The following MACROD2 variants were observed in gnomAD, a reference collection of about 807,000 sequenced individuals.
The protein encoded by MACROD2 is mono-ADP ribosylhydrolase 2, also known as ADP-ribose glycohydrolase MACROD2.
Under a neutral mutation model 70.4 loss-of-function variants are expected in MACROD2, and 36 were observed. That is an observed-to-expected ratio of 0.51 (90% CI 0.39 to 0.68). The LOEUF is 0.68. Ranked by LOEUF, MACROD2 falls within the 30% of genes least tolerant of loss-of-function variation. The pLI, the probability that MACROD2 is intolerant of heterozygous loss-of-function variation, is 0.00. For missense variants in MACROD2, 496 were observed against 538.4 expected (o/e 0.92, Z 0.78); for synonymous variants, 172 against 178.8 (o/e 0.96, Z 0.30).
rs5840650 is a variant in MACROD2 at position 15,084,059 on chromosome 20, G to GTT, written c.419-145870_419-145869dup. Among the ~76,000 whole-genome samples the GTT allele has an allele frequency of 1.7e-3, 190 of 110,562 alleles. 2 individuals carry two copies. The highest frequency in any genetic ancestry group is 5.2e-3 in the Admixed American group (59 of 11,456). 72.5% of individuals were successfully genotyped at this position (110,562 alleles called of 152,430 possible). A position where few individuals can be genotyped will look rare whatever the true frequency, so the allele number is the denominator to read the frequency against. On this transcript the variant is annotated intron_variant, in intron 5 of 17. Coordinates refer to ENST00000684519, the MANE Select transcript of MACROD2 (RefSeq NM_001351661.2). Reference sequence around the variant, plus strand: ...TAGAAACCTTAAGAAGCAACACTAGGTTTTTTTTTTTTGTTTTTTTTTTTT... The same window carrying GTT: ...TAGAAACCTTAAGAAGCAACACTAGGTTTTTTTTTTTTTTGTTTTTTTTTTTT...
At chr20:14,573,580 T>TA (rs1490173653) in intron 4 of MACROD2, among the ~76,000 whole-genome samples, 7 of 151,604 alleles carry the variant, frequency 4.6e-5, no homozygotes, top group Non-Finnish European at 5.9e-5. Context: ...AAGATATTAT[T>TA]TTTTTTTTCA....
At chr20:15,220,795 G>C (rs1406527521) in intron 5 of MACROD2, among the ~76,000 whole-genome samples, 1 of 152,184 alleles carries the variant, frequency 6.6e-6, no homozygotes, top group African/African-American at 2.4e-5. Flanking sequence ...CCAGAAATGG[G>C]GAAAGTCCTG....
At chr20:15,101,534 C>CAAAAAAA (rs6147300) in intron 5 of MACROD2, among the ~76,000 whole-genome samples, 940 of 88,900 alleles carry the variant, frequency 0.011, 53 homozygotes, top group Middle Eastern at 0.017. Flanking sequence ...GGTGTTGGTT[C>CAAAAAAA]AAAAAAAAAA....
intron 5 of MACROD2, among the ~76,000 whole-genome samples, chr20:15,069,150 T>G (rs2075600112): frequency 6.6e-6 from 1 of 152,138 alleles, no homozygotes; most frequent in South Asian, 2.1e-4. Flanking sequence ...AAGGTGAAAC[T>G]TAAGAGTGAT....
At chr20:14,872,180 T>C (rs1314482957) in intron 5 of MACROD2, among the ~76,000 whole-genome samples, 1 of 152,102 alleles carries the variant, frequency 6.6e-6, no homozygotes, top group Non-Finnish European at 1.5e-5. Context: ...GATAGACATC[T>C]ACAGAACTCT....
At chr20:15,830,826 A>G (rs1262770832) in intron 8 of MACROD2, among the ~76,000 whole-genome samples, 1 of 152,254 alleles carries the variant, frequency 6.6e-6, no homozygotes, top group Non-Finnish European at 1.5e-5. Context: ...AAAAAACACC[A>G]TACAAATTTA....
intron 5 of MACROD2, among the ~76,000 whole-genome samples, chr20:15,112,722 A>G (rs1019030484): frequency 3.9e-5 from 6 of 152,168 alleles, no homozygotes; most frequent in African/African-American, 1.4e-4. Context: ...TAGTGCGGCC[A>G]CCACCATCTG....
intron 5 of MACROD2, among the ~76,000 whole-genome samples, chr20:14,841,579 A>G (rs890974855): frequency 2.6e-5 from 4 of 152,082 alleles, no homozygotes; most frequent in African/African-American, 9.7e-5. Flanking sequence ...ATGTATTTGA[A>G]TGACACTACA....
chr20:15,807,472 T>C (rs2063779565), intron 8 of MACROD2, among the ~76,000 whole-genome samples: 1 of 152,128 alleles, frequency 6.6e-6, no homozygotes, highest in South Asian at 2.1e-4. Flanking sequence ...AAGATTCGAG[T>C]TGAAGATATA....
At chr20:13,998,912 G>A (rs1165201244) in intron 1 of MACROD2, among the ~76,000 whole-genome samples, 2 of 146,680 alleles carry the variant, frequency 1.4e-5, no homozygotes, top group Non-Finnish European at 3.0e-5. Flanking sequence ...CTAAGATCGC[G>A]CCACTGCACT....
chr20:14,299,858 A>G (rs2082459809), intron 3 of MACROD2, among the ~76,000 whole-genome samples: 1 of 152,202 alleles, frequency 6.6e-6, no homozygotes, highest in African/African-American at 2.4e-5. Flanking sequence ...TTTGATATAT[A>G]CAGAGAAAGA....
intron 3 of MACROD2, among the ~76,000 whole-genome samples, chr20:14,345,080 G>A (rs1851537664): frequency 6.6e-6 from 1 of 152,190 alleles, no homozygotes; most frequent in Admixed American, 6.5e-5. Context: ...AATGTTAAAT[G>A]TTTGCTGCCA....
chr20:14,465,259 T>G (rs2084430130), intron 3 of MACROD2, among the ~76,000 whole-genome samples: 1 of 152,136 alleles, frequency 6.6e-6, no homozygotes, highest in African/African-American at 2.4e-5. Flanking sequence ...TTAGTTCTTC[T>G]TGTTGAATTG....
At position 14,926,977 on chromosome 20, in the gene MACROD2, A is replaced by G. The variant is rs117042785; in HGVS notation, c.418+242018A>G. Reference sequence around the variant, plus strand: ...ATTCCAGTGAATGTGGGTTTTAACTAAATACATCCACCTTATTGTCAGTTC... The same window carrying G: ...ATTCCAGTGAATGTGGGTTTTAACTGAATACATCCACCTTATTGTCAGTTC... On this transcript the variant is annotated intron_variant, in intron 5 of 17. Coordinates refer to ENST00000684519, the MANE Select transcript of MACROD2 (RefSeq NM_001351661.2). Among the ~76,000 whole-genome samples the G allele has an allele frequency of 6.0e-3, 915 of 152,292 alleles. 9 individuals carry two copies. Among genetic ancestry groups the G allele is most frequent in the Non-Finnish European group, 7.9e-3 (537 of 68,032 alleles).
intron 5 of MACROD2, among the ~76,000 whole-genome samples, chr20:14,993,690 T>C (rs972992425): frequency 6.6e-6 from 1 of 152,164 alleles, no homozygotes; most frequent in African/African-American, 2.4e-5. Flanking sequence ...AAACAACAAC[T>C]AAATGCTCTA....
At chr20:15,084,592 A>G (rs1314065087) in intron 5 of MACROD2, among the ~76,000 whole-genome samples, 1 of 152,210 alleles carries the variant, frequency 6.6e-6, no homozygotes, top group African/African-American at 2.4e-5. Flanking sequence ...AACTGCTAAC[A>G]GTGACTCTTT....
intron 5 of MACROD2, among the ~76,000 whole-genome samples, chr20:14,984,102 A>C (rs1234481332): frequency 1.3e-5 from 2 of 152,174 alleles, no homozygotes; most frequent in African/African-American, 2.4e-5. Context: ...ACTTAAGTAC[A>C]ATAGCCCACT....
At position 14,751,020 on chromosome 20, in the gene MACROD2, T is replaced by A. The variant is rs562729863; in HGVS notation, c.418+66061T>A. On this transcript the variant is annotated intron_variant, in intron 5 of 17. Transcript: ENST00000684519. ...CTTTTAATTAAAGAATAATAAGATC[T>A]TATATTATTATAGATCTTATATCGC... Among the ~76,000 whole-genome samples, 16 of 152,258 alleles carry A rather than the reference T, an allele frequency of 1.1e-4. No homozygotes were observed. The Middle Eastern group carries it at 0.014, about 129-fold the overall frequency.
intron 2 of MACROD2, among the ~76,000 whole-genome samples, chr20:14,018,568 T>G (rs1763115137): frequency 1.3e-5 from 2 of 152,196 alleles, no homozygotes; most frequent in Admixed American, 1.3e-4. Context: ...TTTTTATCTC[T>G]TAAGTTATTT....
Sources: gnomAD v4.1 joint callset for allele counts (sites outside exome capture counted in the v4.1 genomes callset) on GRCh38, gnomAD v4.1.1 for gene constraint, MANE v1.5 for transcripts, NCBI Gene and HGNC (gene_info 2026-07-23, HGNC 2026-07-21) for gene names.